Variants in MROH9 observed in about 807,000 individuals in gnomAD.
The protein encoded by MROH9 is maestro heat like repeat family member 9, also known as maestro heat-like repeat-containing protein family member 9.
A neutral mutation model predicts 98.2 loss-of-function variants in MROH9; 92 were observed. The observed-to-expected ratio is 0.94, with a 90% confidence interval of 0.79 to 1.11. MROH9 has a LOEUF of 1.11. Ranked by LOEUF, MROH9 falls within the 50% of genes most tolerant of loss-of-function variation. The pLI is 0.00. For missense variants in MROH9, 1,057 were observed against 1,014.8 expected, an observed-to-expected ratio of 1.04 and a Z score of -0.57; for synonymous variants, 397 against 368.9, an observed-to-expected ratio of 1.08 and a Z score of -0.87.
intron 8 of MROH9, among the ~76,000 whole-genome samples, chr1:170,976,035 TGTAA>T (rs144151139): frequency 0.02 from 3,038 of 152,288 alleles, 118 homozygotes; most frequent in African/African-American, 0.07. Flanking sequence ...ATTTTGAGCC[TGTAA>T]GTGTCATTAC....
rs538831872 is a variant in MROH9, at chr1:171,027,400, C to T, written c.2281+1980C>T. Among the ~76,000 whole-genome samples the T allele has an allele frequency of 1.1e-3, 175 of 152,296 alleles. 1 individual carries two copies. In the South Asian group the frequency reaches 0.013, roughly 12 times the overall value. On this transcript the variant is annotated intron_variant, in intron 20 of 21. Coordinates refer to ENST00000367759, the MANE Select transcript of MROH9 (RefSeq NM_001163629.2). ...AACATGATCTCATTCTTCTTTATGGCTGCATAATATTCCATGGTGTATATA... is the reference window on the plus strand; with the variant it reads ...AACATGATCTCATTCTTCTTTATGGTTGCATAATATTCCATGGTGTATATA...
At chr1:171,003,796 T>C (rs1466125154) in intron 15 of MROH9, among the ~76,000 whole-genome samples, 1 of 152,116 alleles carries the variant, frequency 6.6e-6, no homozygotes, top group Non-Finnish European at 1.5e-5. Context: ...GGTAGGACCC[T>C]AGAACTCCCA....
At chr1:171,054,912 A>T (rs953817906) in intron 20 of MROH9, among the ~76,000 whole-genome samples, 1 of 152,306 alleles carries the variant, frequency 6.6e-6, no homozygotes, top group Admixed American at 6.5e-5. Context: ...GTGGGAATCT[A>T]AACTAGTACA....
Position 171,017,382 on chromosome 1 carries a change from A to C in MROH9, c.1908+1046A>C, listed in dbSNP as rs1652359430. Among the ~76,000 whole-genome samples the C allele has an allele frequency of 2.0e-5, 3 of 152,224 alleles. No homozygotes were observed. In the South Asian group the frequency reaches 6.2e-4, roughly 31 times the overall value. On this transcript the variant is annotated intron_variant, in intron 17 of 21. Transcript: ENST00000367759. ...CCACCCCCAGCCAAGGGAGGCAGTG[A>C]GTGAGCATGCTACCCAGCCTGGGAA...
chr1:170,952,026 A>C (rs2101879558), intron 3 of MROH9, among the ~76,000 whole-genome samples: 1 of 152,254 alleles, frequency 6.6e-6, no homozygotes, highest in East Asian at 1.9e-4. Flanking sequence ...CCATCAGAGA[A>C]ATGCAAATCA....
At position 170,945,569 on chromosome 1, in the gene MROH9, A is replaced by C; in HGVS notation, c.13A>C (p.Asn5His). The C allele has an allele frequency of 6.2e-7, 1 of 1,612,218 alleles. No individual in the cohort carries two copies. MLTR[N>H]PKTKSSLQIL... ...CACCTCTGTCAGCATGTTGACAAGG[A>C]ATCCAAAAACAAGTAAGGCTTTAGG... is the stretch of plus-strand genomic sequence containing the variant. The change falls in exon 2 of 22, where the codon AAT (asparagine) becomes CAT (histidine). Residue 5 changes from asparagine to histidine, a missense_variant. Transcript: ENST00000367759.
intron 20 of MROH9, among the ~76,000 whole-genome samples, chr1:171,033,051 C>T (rs540236089): frequency 2.0e-5 from 3 of 152,236 alleles, no homozygotes; most frequent in Non-Finnish European, 4.4e-5. Flanking sequence ...AGGCACTCTG[C>T]CACAGACTGC....
intron 15 of MROH9, among the ~76,000 whole-genome samples, chr1:171,009,955 T>A (rs1652094017): frequency 6.6e-6 from 1 of 152,232 alleles, no homozygotes. Context: ...TTTTTCCTTT[T>A]TTAATTATTA....
chr1:170,969,170 G>A (rs1312016530), intron 7 of MROH9, among the ~76,000 whole-genome samples: 4 of 152,114 alleles, frequency 2.6e-5, no homozygotes, highest in African/African-American at 4.8e-5. Flanking sequence ...GCTGAAAAGT[G>A]CAATCTAAAT....
rs754332732 is a variant in MROH9, at chr1:171,044,972, C to CTTTTTTTTTTTTT, written c.2282-17125_2282-17113dup. On this transcript the variant is annotated intron_variant, in intron 20 of 21. Transcript: ENST00000367759. Reference sequence around the variant, plus strand: ...CAATTCCATTTATTTCTGCTCTGATCTTTTTTTTTTTTTTTTTTTTTTTTT... The same window carrying CTTTTTTTTTTTTT: ...CAATTCCATTTATTTCTGCTCTGATCTTTTTTTTTTTTTTTTTTTTTTTTTTTTTTTTTTTTTT... Among the ~76,000 whole-genome samples, 151 of 45,708 alleles carry CTTTTTTTTTTTTT rather than the reference C, an allele frequency of 3.3e-3. 37 individuals carry two copies. The highest frequency in any genetic ancestry group is 4.2e-3 in the Non-Finnish European group (93 of 22,270). 30.0% of individuals were successfully genotyped at this position (45,708 alleles called of 152,430 possible). A position where few individuals can be genotyped will look rare whatever the true frequency, so the allele number is the denominator to read the frequency against.
chr1:171,018,374 TC>T (rs1200132576), intron 17 of MROH9, among the ~76,000 whole-genome samples: 1 of 144,564 alleles, frequency 6.9e-6, no homozygotes, highest in Non-Finnish European at 1.5e-5. Context: ...AAAAAAAAAG[TC>T]CCCACAAAAA....
chr1:171,021,843 A>G lies in MROH9; in HGVS notation c.1909-2552A>G, dbSNP rs531331688. On this transcript the variant is annotated intron_variant, in intron 17 of 21. Coordinates refer to ENST00000367759, the MANE Select transcript of MROH9 (RefSeq NM_001163629.2). Reference sequence around the variant, plus strand: ...CTACAGAATGGGAAAAAATTTTTGCAATCTACCCATCTGACAAAGATCTAA... The same window carrying G: ...CTACAGAATGGGAAAAAATTTTTGCGATCTACCCATCTGACAAAGATCTAA... Among the ~76,000 whole-genome samples, 80 of 152,262 alleles carry G rather than the reference A, an allele frequency of 5.3e-4. 1 individual carries two copies. In the South Asian group the frequency reaches 0.013, roughly 24 times the overall value.
intron 15 of MROH9, among the ~76,000 whole-genome samples, chr1:171,013,412 T>C (rs1652225167): frequency 6.6e-6 from 1 of 152,102 alleles, no homozygotes; most frequent in Admixed American, 6.5e-5. Context: ...GGTTGTAGGC[T>C]CTTTATGAGA....
rs181698322 is a variant in MROH9 at position 170,937,419 on chromosome 1, T to C, written c.-38+1832T>C. Among the ~76,000 whole-genome samples the C allele has an allele frequency of 5.4e-4, 82 of 151,630 alleles. No individual in the cohort carries two copies. The East Asian group carries it at 0.01, about 19-fold the overall frequency. On this transcript the variant is annotated intron_variant, in intron 1 of 21. Transcript: ENST00000367759. ...AAGAAAAAATATTTGGTATCTAATA[T>C]ATACACAAAGAAATGTATTCAGAAC...
intron 15 of MROH9, chr1:170,998,713 T>C: frequency 9.7e-7 from 1 of 1,028,614 alleles, no homozygotes; most frequent in South Asian, 4.2e-5. Context: ...TTACTTTGTA[T>C]ATCAATATTG....
chr1:170,961,303 T>C (rs980393122), intron 5 of MROH9, among the ~76,000 whole-genome samples: 1 of 152,250 alleles, frequency 6.6e-6, no homozygotes, highest in South Asian at 2.1e-4. Flanking sequence ...AAATTTAAAA[T>C]TTTAGAGGTG....
chr1:171,001,631 T>C (rs920526295), intron 15 of MROH9, among the ~76,000 whole-genome samples: 2 of 152,134 alleles, frequency 1.3e-5, no homozygotes, highest in African/African-American at 4.8e-5. Context: ...TTCAGTTTTC[T>C]TAAATTTATT....
chr1:171,058,560 G>T (rs1339733948), intron 20 of MROH9, among the ~76,000 whole-genome samples: 2 of 152,082 alleles, frequency 1.3e-5, no homozygotes, highest in African/African-American at 4.8e-5. Flanking sequence ...TAAGCAGGAA[G>T]AACAAAGCTG....
intron 10 of MROH9, among the ~76,000 whole-genome samples, chr1:170,987,151 C>T (rs1427861455): frequency 6.6e-6 from 1 of 152,182 alleles, no homozygotes; most frequent in Non-Finnish European, 1.5e-5. Flanking sequence ...GCCACCATGC[C>T]TGGCCTGAGA....
Sources: allele counts gnomAD v4.1 joint callset (sites outside exome capture counted in the v4.1 genomes callset), GRCh38; gene constraint gnomAD v4.1.1; transcripts MANE v1.5; gene names NCBI Gene and HGNC (gene_info 2026-07-23, HGNC 2026-07-21).